COBLL1: variants seen among roughly 807,000 people sequenced by gnomAD.
The protein encoded by COBLL1 is cordon-bleu protein-like 1.
In COBLL1, 50 loss-of-function variants were observed where a neutral mutation model predicts 94.8. The ratio of observed to expected loss-of-function variants is 0.53; its 90% confidence interval spans 0.42 to 0.67. The LOEUF is 0.67. Among genes scored for constraint, COBLL1 ranks in the 30% least tolerant of loss-of-function variants. The pLI is 0.00. For synonymous variants in COBLL1, 448 were observed against 473.8 expected (o/e 0.95, Z 0.71); for missense variants, 1,362 against 1,348.7 (o/e 1.01, Z -0.15).
chr2:164,716,059 G>T (rs1353225178), intron 7 of COBLL1, among the ~76,000 whole-genome samples: 2 of 152,092 alleles, frequency 1.3e-5, no homozygotes, highest in Non-Finnish European at 2.9e-5. Flanking sequence ...CAGCTTATGA[G>T]GCTAATTTGT....
intron 2 of COBLL1, among the ~76,000 whole-genome samples, chr2:164,748,348 C>T (rs559294276): frequency 1.4e-4 from 22 of 152,052 alleles, no homozygotes; most frequent in African/African-American, 4.8e-4. Context: ...ATTCTCCTAA[C>T]ATTAATTTTT....
At chr2:164,810,398 T>C (rs1684404839) in intron 2 of COBLL1, among the ~76,000 whole-genome samples, 1 of 151,614 alleles carries the variant, frequency 6.6e-6, no homozygotes, top group Non-Finnish European at 1.5e-5. Flanking sequence ...AAAGTAATTA[T>C]ATAAGTATAT....
chr2:164,833,226 T>C (rs148389842), intron 2 of COBLL1, among the ~76,000 whole-genome samples: 2,362 of 152,038 alleles, frequency 0.016, 30 homozygotes, highest in South Asian at 0.028. Flanking sequence ...TGGTGGCACA[T>C]GCCTGTAATT....
intron 3 of COBLL1, among the ~76,000 whole-genome samples, chr2:164,730,831 T>C (rs1166802729): frequency 6.6e-6 from 1 of 152,180 alleles, no homozygotes; most frequent in Non-Finnish European, 1.5e-5. Flanking sequence ...CCACCACCAC[T>C]TTTTGGCTTT....
chr2:164,739,843 T>C (rs1017408071), intron 3 of COBLL1, among the ~76,000 whole-genome samples: 2 of 152,238 alleles, frequency 1.3e-5, no homozygotes, highest in African/African-American at 2.4e-5. Flanking sequence ...AATTTTCTAT[T>C]TGAACATTTC....
At chr2:164,815,817 A>G (rs948517872) in intron 2 of COBLL1, among the ~76,000 whole-genome samples, 3 of 152,102 alleles carry the variant, frequency 2.0e-5, no homozygotes, top group African/African-American at 7.2e-5. Context: ...TCTACCTGAC[A>G]CGCACAAGAG....
chr2:164,832,935 C>A (rs1419994130), intron 2 of COBLL1, among the ~76,000 whole-genome samples: 10 of 151,428 alleles, frequency 6.6e-5, no homozygotes, highest in Non-Finnish European at 1.0e-4. Context: ...CCCAGCTACT[C>A]GAGAGGTTGA....
At chr2:164,676,253 A>G (rs538955831), downstream of COBLL1, among the ~76,000 whole-genome samples, 1 of 152,280 alleles carries the variant, frequency 6.6e-6, no homozygotes, top group South Asian at 2.1e-4. Flanking sequence ...GTGCCTTTAT[A>G]TCTTTTAATG....
Position 164,685,917 on chromosome 2 carries a change from T to C in COBLL1, c.*29A>G. On this transcript the variant is annotated 3_prime_UTR_variant, in exon 14 of 14. Coordinates refer to ENST00000652658, the MANE Select transcript of COBLL1 (RefSeq NM_001365672.2). ...GTATGAAGTTGGTCTGAAGTGGAAG[T>C]GAAGTGCAGTGGTGTGGCAGGGTAA... 1 of 1,387,094 alleles carries C rather than the reference T, an allele frequency of 7.2e-7. No homozygotes were observed. Among genetic ancestry groups the C allele is most frequent in the Non-Finnish European group, 1.0e-6 (1 of 982,208 alleles). The allele number at this position is 1,387,094 out of a possible 1,614,324, so 85.9% of individuals were successfully genotyped here.
At chr2:164,768,862 G>A (rs759908988) in intron 2 of COBLL1, among the ~76,000 whole-genome samples, 47 of 152,064 alleles carry the variant, frequency 3.1e-4, no homozygotes, top group Non-Finnish European at 6.0e-4. Context: ...GCAAGCACAC[G>A]ATGGCACACT....
intron 3 of COBLL1, chr2:164,738,237 G>A (rs897478689): frequency 3.3e-5 from 5 of 152,106 alleles, no homozygotes; most frequent in Admixed American, 1.3e-4. Flanking sequence ...AGAAGGATTC[G>A]TGTCAATCTT....
rs909358256 is a variant in COBLL1, at chr2:164,841,092, G to A, written c.41+64C>T. 8 of 1,225,444 alleles carry A rather than the reference G, an allele frequency of 6.5e-6. No individual in the cohort carries two copies. The highest frequency in any genetic ancestry group is 8.1e-6 in the Non-Finnish European group (8 of 983,020). The allele number at this position is 1,225,444 out of a possible 1,614,324, so 75.9% of individuals were successfully genotyped here. Reference sequence around the variant, plus strand: ...GTTGCCAGCCAGGTGAAACGGCCGAGGCCTCGCTGTCCTCGCCGGCCTCGC... The same window carrying A: ...GTTGCCAGCCAGGTGAAACGGCCGAAGCCTCGCTGTCCTCGCCGGCCTCGC... On this transcript the variant is annotated intron_variant, in intron 2 of 13. Transcript: ENST00000652658. The surrounding 1 kb of genome is among the most constrained non-coding windows in gnomAD (Gnocchi z 5.5).
At chr2:164,785,302 T>G (rs568131923) in intron 2 of COBLL1, among the ~76,000 whole-genome samples, 1 of 152,228 alleles carries the variant, frequency 6.6e-6, no homozygotes, top group East Asian at 1.9e-4. Context: ...GGCACAAGAA[T>G]CACTTGAACC....
Position 164,700,747 on chromosome 2 carries a change from C to T in COBLL1, c.1235G>A (p.Ser412Asn), listed in dbSNP as rs762238903. 4.0e-5 allele frequency: 63 copies of T among 1,580,394 alleles called. No homozygotes were observed. The highest frequency in any genetic ancestry group is 5.3e-5 in the Non-Finnish European group (61 of 1,152,626). Residue 412 changes from serine to asparagine, a missense_variant, in exon 10 of 14, where the codon AGC becomes AAC. Transcript: ENST00000652658. ...TATCTCTTCAAGGCTATAATCAGAG[C>T]TTATTCCAGCTACAAAGAAATGCAG... is the stretch of plus-strand genomic sequence containing the variant. Reference protein sequence around the residue: ...PEELSSPAGISSDYSLEEIDE... With the variant: ...PEELSSPAGINSDYSLEEIDE...
chr2:164,826,599 T>G (rs1379244102), intron 2 of COBLL1, among the ~76,000 whole-genome samples: 1 of 152,214 alleles, frequency 6.6e-6, no homozygotes, highest in Non-Finnish European at 1.5e-5. Flanking sequence ...GGGGAAACAG[T>G]GCCTAAAGCC....
chr2:164,694,203 CTTG>C, intron 12 of COBLL1, 63 bp downstream of exon 12: 1 of 1,424,210 alleles, frequency 7.0e-7, no homozygotes, highest in Non-Finnish European at 9.6e-7. Flanking sequence ...CATCAACATG[CTTG>C]TTAACCCCCA....
intron 1 of COBLL1, among the ~76,000 whole-genome samples, chr2:164,670,376 T>C (rs1462149508): frequency 6.6e-6 from 1 of 152,230 alleles, no homozygotes; most frequent in Non-Finnish European, 1.5e-5. Context: ...ATCTTTTATA[T>C]GTATAAGAAC....
At chr2:164,687,192 T>G in intron 13 of COBLL1, 1 of 412,758 alleles carries the variant, frequency 2.4e-6, no homozygotes, top group Non-Finnish European at 4.4e-6. Flanking sequence ...AGCCAACAAA[T>G]GACAGGTAAT....
intron 9 of COBLL1, among the ~76,000 whole-genome samples, chr2:164,701,613 T>C (rs1313995514): frequency 1.3e-5 from 2 of 152,220 alleles, no homozygotes; most frequent in South Asian, 2.1e-4. Context: ...ATCATCCATA[T>C]TAATATATAT....
Sources: allele counts gnomAD v4.1 joint callset (sites outside exome capture counted in the v4.1 genomes callset), GRCh38; gene constraint gnomAD v4.1.1; non-coding constraint Gnocchi (gnomAD v3.1); transcripts MANE v1.5; gene names NCBI Gene and HGNC (gene_info 2026-07-23, HGNC 2026-07-21).